GPHN: variants seen among roughly 807,000 people sequenced by gnomAD.
GPHN encodes the protein gephyrin.
GPHN carries 17 observed loss-of-function variants against 95.5 expected under a neutral mutation model. The observed-to-expected ratio is 0.18, with a 90% CI of 0.12 to 0.27. The LOEUF (loss-of-function observed/expected upper bound fraction) is 0.27, where lower values mean the gene tolerates loss of function less well. Among genes scored for constraint, GPHN ranks in the 10% least tolerant of loss-of-function variants. The pLI, the probability that GPHN is intolerant of heterozygous loss-of-function variation, is 1.00. For missense variants in GPHN, 660 were observed against 978.1 expected, an observed-to-expected ratio of 0.67 and a Z score of 4.34; for synonymous variants, 320 against 322.5, an observed-to-expected ratio of 0.99 and a Z score of 0.08.
chr14:67,363,593 T>C, the GPHN span, among the ~76,000 whole-genome samples: 1 of 152,182 alleles, frequency 6.6e-6, no homozygotes, highest in African/African-American at 2.4e-5. Context: ...GTTAGCAGTA[T>C]GTGAAAGAAC....
the GPHN span, chr14:67,340,539 A>T: frequency 6.3e-7 from 1 of 1,593,216 alleles, no homozygotes; most frequent in Non-Finnish European, 8.6e-7. Flanking sequence ...AAAAAAAATA[A>T]TATGTGTGAG....
At chr14:67,341,491 C>T in the GPHN span, among the ~76,000 whole-genome samples, 65 of 152,014 alleles carry the variant, frequency 4.3e-4, 2 homozygotes, top group African/African-American at 1.4e-3. Flanking sequence ...CCCGGCCAGC[C>T]GCCCCGTCCG....
chr14:67,345,902 T>C, the GPHN span: 1 of 1,412,466 alleles, frequency 7.1e-7, no homozygotes, highest in East Asian at 2.3e-5. Context: ...ACATTTTTAA[T>C]TAGAGTAAAA....
the GPHN span, among the ~76,000 whole-genome samples, chr14:67,634,051 G>A: frequency 6.6e-6 from 1 of 152,070 alleles, no homozygotes; most frequent in Non-Finnish European, 1.5e-5. Context: ...CCTTATTTCT[G>A]CATTCCTAGG....
At chr14:67,199,266 A>C in the GPHN span, 1 of 1,596,824 alleles carries the variant, frequency 6.3e-7, no homozygotes, top group South Asian at 1.1e-5. Context: ...GATGCTGACT[A>C]TGCCATTAAG....
At chr14:67,125,098 T>A (rs1404510404) in intron 17 of GPHN, among the ~76,000 whole-genome samples, 1 of 152,080 alleles carries the variant, frequency 6.6e-6, no homozygotes, top group African/African-American at 2.4e-5. Context: ...TGAATAGTAA[T>A]ACCTTATATC....
rs146529135 is a variant in GPHN at position 67,045,179 on chromosome 14, G to A, written c.1007-13470G>A. Among the ~76,000 whole-genome samples the A allele has an allele frequency of 1.3e-4, 20 of 152,152 alleles. No individual in the cohort carries two copies. The East Asian group carries it at 2.1e-3, about 16-fold the overall frequency. Reference sequence around the variant, plus strand: ...GGATTTTCCCAATCTGTATTTCCCCGTGTCCTAAAGGACCCATGACCAAGC... The same window carrying A: ...GGATTTTCCCAATCTGTATTTCCCCATGTCCTAAAGGACCCATGACCAAGC... On this transcript the variant is annotated intron_variant, in intron 10 of 22. Transcript: ENST00000478722.
chr14:67,511,092 T>G, the GPHN span, among the ~76,000 whole-genome samples: 350 of 152,266 alleles, frequency 2.3e-3, 2 homozygotes, highest in African/African-American at 7.8e-3. Context: ...ACCTTTCCAA[T>G]GGAAACGGAT....
At chr14:67,699,589 CAAAAAAA>C in the GPHN span, among the ~76,000 whole-genome samples, 9 of 50,812 alleles carry the variant, frequency 1.8e-4, no homozygotes, top group East Asian at 1.8e-3. Context: ...GACCCTATCT[CAAAAAAA>C]AAAAAAAAAA....
the GPHN span, among the ~76,000 whole-genome samples, chr14:67,424,171 C>G: frequency 2.0e-5 from 3 of 151,956 alleles, no homozygotes; most frequent in Admixed American, 6.6e-5. Context: ...ACCCGGGAGA[C>G]GGAGTTTGTG....
the GPHN span, among the ~76,000 whole-genome samples, chr14:67,207,603 G>A: frequency 1.9e-4 from 29 of 152,194 alleles, no homozygotes; most frequent in Admixed American, 6.5e-4. Flanking sequence ...GTGCAGACAT[G>A]AAGGACATTA....
intron 9 of GPHN, among the ~76,000 whole-genome samples, chr14:66,992,838 G>A (rs1367249709): frequency 6.6e-6 from 1 of 152,034 alleles, no homozygotes; most frequent in African/African-American, 2.4e-5. Flanking sequence ...TCAAATTTCA[G>A]TGTTTAAAAA....
At chr14:66,864,809 A>G (rs1247485831) in intron 4 of GPHN, among the ~76,000 whole-genome samples, 2 of 152,134 alleles carry the variant, frequency 1.3e-5, no homozygotes, top group Non-Finnish European at 2.9e-5. Flanking sequence ...TCCAAGGAAT[A>G]TCTGCACTCC....
intron 9 of GPHN, among the ~76,000 whole-genome samples, chr14:67,015,148 A>G (rs1406062346): frequency 1.3e-5 from 2 of 152,218 alleles, no homozygotes; most frequent in African/African-American, 2.4e-5. Context: ...TTTGATTTTC[A>G]GTGGTAATTA....
chr14:66,614,739 AT>A (rs562995106), intron 1 of GPHN, among the ~76,000 whole-genome samples: 2 of 151,828 alleles, frequency 1.3e-5, no homozygotes, highest in Middle Eastern at 3.2e-3. Flanking sequence ...CTTTTTTATG[AT>A]TTTTTTCTTT....
chr14:67,136,681 T>C (rs370172985), intron 17 of GPHN, among the ~76,000 whole-genome samples: 25 of 152,178 alleles, frequency 1.6e-4, no homozygotes, highest in Non-Finnish European at 8.8e-5. Flanking sequence ...GCAGTAGAGA[T>C]AAAACAGGAT....
chr14:66,916,034 A>G lies in GPHN; in HGVS notation c.421A>G (p.Ile141Val). ...PVCGIRGKTL[I>V]INLPGSKKGS... is the part of the protein sequence containing the mutation. Reference sequence around the variant, plus strand: ...ATGTGGAATCAGAGGGAAAACGCTCATAATTAACCTGCCAGGTAGCAAGAA... The same window carrying G: ...ATGTGGAATCAGAGGGAAAACGCTCGTAATTAACCTGCCAGGTAGCAAGAA... Residue 141 changes from isoleucine (I) to valine (V), a missense_variant, in exon 6 of 23, where the codon ATA becomes GTA. Ile to Val is a conservative substitution (Grantham distance 29). Coordinates refer to ENST00000478722, the MANE Select transcript of GPHN (RefSeq NM_020806.5). 6.2e-7 allele frequency: 1 copy of G among 1,604,404 alleles called. No homozygotes were observed.
At chr14:67,699,607 A>G in the GPHN span, among the ~76,000 whole-genome samples, 1,719 of 149,472 alleles carry the variant, frequency 0.012, 27 homozygotes, top group Non-Finnish European at 0.016. Flanking sequence ...AAAAAAAAAA[A>G]AAAAAGAAAC....
At chr14:67,505,677 G>C in the GPHN span, among the ~76,000 whole-genome samples, 5 of 151,868 alleles carry the variant, frequency 3.3e-5, no homozygotes, top group Non-Finnish European at 7.4e-5. Context: ...GGCTGAGGAA[G>C]GAGCAATGAT....
Sources: allele counts gnomAD v4.1 joint callset (sites outside exome capture counted in the v4.1 genomes callset), GRCh38; gene constraint gnomAD v4.1.1; transcripts MANE v1.5; gene names NCBI Gene and HGNC (gene_info 2026-07-23, HGNC 2026-07-21).